The following AVEN variants were observed in gnomAD, a reference collection of about 807,000 sequenced individuals.
AVEN encodes apoptosis and caspase activation inhibitor, also known as cell death regulator Aven.
In AVEN, 41 loss-of-function variants were observed where a neutral mutation model predicts 38.1. The ratio of observed to expected loss-of-function variants is 1.08; its 90% confidence interval spans 0.84 to 1.40. AVEN has a LOEUF of 1.40. Among genes scored for constraint, AVEN ranks in the 40% most tolerant of loss-of-function variants. The pLI, the probability that AVEN is intolerant of heterozygous loss-of-function variation, is 0.00. For missense variants in AVEN, 605 were observed against 438.8 expected, an observed-to-expected ratio of 1.38 and a Z score of -3.38; for synonymous variants, 206 against 171.8, an observed-to-expected ratio of 1.20 and a Z score of -1.56.
intron 2 of AVEN, among the ~76,000 whole-genome samples, chr15:33,899,589 C>T (rs1892405504): frequency 6.6e-6 from 1 of 150,436 alleles, no homozygotes; most frequent in Non-Finnish European, 1.5e-5. Context: ...CCTGCTCAGC[C>T]TCCCGAGTAG....
At chr15:34,009,857 C>A (rs1286738056) in intron 1 of AVEN, among the ~76,000 whole-genome samples, 3 of 152,054 alleles carry the variant, frequency 2.0e-5, no homozygotes, top group Non-Finnish European at 4.4e-5. Context: ...AGCATGGTGG[C>A]ATGAACCTGT....
intron 1 of AVEN, among the ~76,000 whole-genome samples, chr15:34,015,660 G>T (rs1897867065): frequency 1.3e-5 from 2 of 151,984 alleles, no homozygotes; most frequent in Admixed American, 6.6e-5. Context: ...CTCAGAAACA[G>T]CAACACATGA....
chr15:34,036,894 G>A (rs2140785957), intron 1 of AVEN, among the ~76,000 whole-genome samples: 1 of 152,098 alleles, frequency 6.6e-6, no homozygotes, highest in East Asian at 1.9e-4. Context: ...TGGATCACCT[G>A]AGGTCAGGAG....
chr15:33,917,884 C>G (rs1360199533), intron 2 of AVEN, among the ~76,000 whole-genome samples: 2 of 152,044 alleles, frequency 1.3e-5, no homozygotes, highest in East Asian at 3.8e-4. Context: ...ATGCGTGCAC[C>G]AAAAACTCAG....
intron 2 of AVEN, among the ~76,000 whole-genome samples, chr15:33,933,659 A>T (rs1893959640): frequency 6.6e-6 from 1 of 152,078 alleles, no homozygotes; most frequent in Non-Finnish European, 1.5e-5. Flanking sequence ...GTACAAACTG[A>T]GTTAGAAAAA....
At chr15:34,057,767 G>C (rs1248601751) in intron 5 of AVEN, among the ~76,000 whole-genome samples, 1 of 152,184 alleles carries the variant, frequency 6.6e-6, no homozygotes, top group Non-Finnish European at 1.5e-5. Flanking sequence ...CTGTTCTCCA[G>C]CCTGAGTGAT....
At chr15:34,055,800 C>CA (rs1253869736) in intron 5 of AVEN, among the ~76,000 whole-genome samples, 1 of 151,704 alleles carries the variant, frequency 6.6e-6, no homozygotes, top group Non-Finnish European at 1.5e-5. Flanking sequence ...GACTCTGTCA[C>CA]AAAAAATAAA....
At chr15:34,004,377 G>C (rs1291338274) in intron 1 of AVEN, among the ~76,000 whole-genome samples, 1 of 152,004 alleles carries the variant, frequency 6.6e-6, no homozygotes, top group African/African-American at 2.4e-5. Context: ...AACTGAAAGA[G>C]AAAAAAATGG....
chr15:34,041,591 T>C (rs1013869766), upstream of AVEN, among the ~76,000 whole-genome samples: 2 of 152,230 alleles, frequency 1.3e-5, no homozygotes, highest in African/African-American at 4.8e-5. Context: ...TACTTTCAAC[T>C]AGTCAGTGTA....
intron 2 of AVEN, among the ~76,000 whole-genome samples, chr15:33,878,231 C>CT (rs552419180): frequency 1.2e-3 from 185 of 151,796 alleles, no homozygotes; most frequent in African/African-American, 4.0e-3. Context: ...CGAAGATATG[C>CT]TTTTTTTTAA....
intron 11 of AVEN, chr15:33,859,868 A>G: frequency 1.0e-6 from 1 of 957,730 alleles, no homozygotes. Context: ...CTAATTTAGC[A>G]TCTACTATAC....
At chr15:33,912,108 C>T (rs1402039571) in intron 2 of AVEN, among the ~76,000 whole-genome samples, 1 of 152,210 alleles carries the variant, frequency 6.6e-6, no homozygotes, top group African/African-American at 2.4e-5. Flanking sequence ...AGCTTCACAA[C>T]TTATTAACTC....
At chr15:33,983,142 G>GTGTGTGTGTGTGTA (rs1555512725) in intron 2 of AVEN, among the ~76,000 whole-genome samples, 3 of 115,622 alleles carry the variant, frequency 2.6e-5, no homozygotes, top group African/African-American at 1.4e-4. Context: ...GTGTGTGTGT[G>GTGTGTGTGTGTGTA]TGTGTGTGTG....
intron 2 of AVEN, among the ~76,000 whole-genome samples, chr15:33,985,155 T>G (rs1896368462): frequency 6.6e-6 from 1 of 152,052 alleles, no homozygotes; most frequent in Admixed American, 6.5e-5. Flanking sequence ...AGATTCCACC[T>G]TATCTGTAAG....
chr15:33,852,894 C>G, the AVEN span: 2 of 677,800 alleles, frequency 3.0e-6, no homozygotes, highest in African/African-American at 1.8e-5. Flanking sequence ...CCTGTGATGA[C>G]TCTGAACTTC....
At chr15:33,876,712 C>T (rs1891246403) in intron 2 of AVEN, among the ~76,000 whole-genome samples, 2 of 152,152 alleles carry the variant, frequency 1.3e-5, no homozygotes, top group Non-Finnish European at 2.9e-5. Flanking sequence ...TCTACTGTCA[C>T]TCCAAAAATC....
chr15:33,870,965 G>C lies in AVEN; in HGVS notation c.582C>G (p.Leu194=), dbSNP rs1395415991. 2 of 1,611,300 alleles carry C rather than the reference G, an allele frequency of 1.2e-6. No homozygotes were observed. The highest frequency in any genetic ancestry group is 2.2e-5 in the East Asian group (1 of 44,770). Residue 194 remains leucine (L), a synonymous_variant, in exon 4 of 6, where the codon CTC becomes CTG. Transcript: ENST00000306730. ...VRALQELPLC[L]RLNVAAELVQ... ...CCAGTTCGGCAGCAACGTTGAGTCGGAGGCAGAGAGGCAGCTCTTGAAGGG... is the reference window on the plus strand; with the variant it reads ...CCAGTTCGGCAGCAACGTTGAGTCGCAGGCAGAGAGGCAGCTCTTGAAGGG...
chr15:33,966,477 C>T (rs1567437909), intron 2 of AVEN, among the ~76,000 whole-genome samples: 1 of 152,146 alleles, frequency 6.6e-6, no homozygotes, highest in Non-Finnish European at 1.5e-5. Flanking sequence ...ACAAGAGATA[C>T]TCAAGAGTGA....
chr15:33,996,816 C>A (rs982507960), intron 2 of AVEN, among the ~76,000 whole-genome samples: 42 of 152,208 alleles, frequency 2.8e-4, no homozygotes, highest in African/African-American at 8.7e-4. Context: ...AGGAACGCAG[C>A]TCCTCGCTAG....
Sources: gnomAD v4.1 joint callset for allele counts (sites outside exome capture counted in the v4.1 genomes callset) on GRCh38, gnomAD v4.1.1 for gene constraint, MANE v1.5 for transcripts, NCBI Gene and HGNC (gene_info 2026-07-23, HGNC 2026-07-21) for gene names.